The following PRR5L variants were observed in gnomAD, a reference collection of about 807,000 sequenced individuals.
PRR5L encodes proline-rich protein 5-like.
PRR5L carries 21 observed loss-of-function variants against 36.4 expected under a neutral mutation model. The ratio of observed to expected loss-of-function variants is 0.58; its 90% CI spans 0.41 to 0.83. The LOEUF (loss-of-function observed/expected upper bound fraction) is 0.83. Among genes scored for constraint, PRR5L ranks in the 40% least tolerant of loss-of-function variants. PRR5L has a pLI of 0.00. For synonymous variants in PRR5L, 188 were observed against 197.0 expected (o/e 0.95, Z 0.38); for missense variants, 381 against 473.3 (o/e 0.80, Z 1.81).
intron 1 of PRR5L, among the ~76,000 whole-genome samples, chr11:36,388,927 C>T (rs1029056360): frequency 1.2e-4 from 18 of 152,050 alleles, no homozygotes; most frequent in Admixed American, 2.6e-4. Context: ...TCTGGATCTC[C>T]TGACCTCGTG....
At chr11:36,333,677 T>C (rs1856741117) in intron 1 of PRR5L, among the ~76,000 whole-genome samples, 1 of 152,064 alleles carries the variant, frequency 6.6e-6, no homozygotes. Context: ...AAATGAGAAA[T>C]AGTCTGTGAC....
chr11:36,446,848 C>A (rs149487561), intron 7 of PRR5L, among the ~76,000 whole-genome samples: 2 of 152,158 alleles, frequency 1.3e-5, no homozygotes, highest in Non-Finnish European at 2.9e-5. Context: ...GGATTACAAC[C>A]AGGAATGAGG....
At chr11:36,331,673 C>A (rs1392124467) in intron 1 of PRR5L, among the ~76,000 whole-genome samples, 1 of 152,178 alleles carries the variant, frequency 6.6e-6, no homozygotes, top group Non-Finnish European at 1.5e-5. Context: ...GATATTAAAA[C>A]TCATTTTCAA....
intron 8 of PRR5L, among the ~76,000 whole-genome samples, chr11:36,461,360 C>T (rs1339059800): frequency 6.6e-6 from 1 of 152,178 alleles, no homozygotes. Context: ...TGGTGGCTCA[C>T]ACCTTTAATC....
rs111684992 is a variant in PRR5L at position 36,400,118 on chromosome 11, G to A, written c.-125-879G>A. On this transcript the variant is annotated intron_variant, in intron 1 of 8. Coordinates refer to ENST00000530639, the MANE Select transcript of PRR5L (RefSeq NM_001160167.2). Reference sequence around the variant, plus strand: ...AACCCAACCCTGCAGGGCGAGTTGGGTTTAAATAAGCAGAGGGAAAAAGGA... The same window carrying A: ...AACCCAACCCTGCAGGGCGAGTTGGATTTAAATAAGCAGAGGGAAAAAGGA... Among the ~76,000 whole-genome samples, 1,150 of 152,340 alleles carry A rather than the reference G, an allele frequency of 7.5e-3. 20 individuals carry two copies. The highest frequency in any genetic ancestry group is 0.026 in the African/African-American group (1,091 of 41,570).
At chr11:36,304,776 GTAA>G (rs1358380814) in intron 1 of PRR5L, among the ~76,000 whole-genome samples, 1 of 152,090 alleles carries the variant, frequency 6.6e-6, no homozygotes, top group East Asian at 1.9e-4. Context: ...GAAAGTCATG[GTAA>G]TAATCTCCCT....
Position 36,377,172 on chromosome 11 carries a change from TC to T in PRR5L, c.-125-23820del, listed in dbSNP as rs1353104363. Among the ~76,000 whole-genome samples the T allele has an allele frequency of 2.6e-5, 4 of 152,084 alleles. No homozygotes were observed. The highest frequency in any genetic ancestry group is 5.9e-5 in the Non-Finnish European group (4 of 67,986). On this transcript the variant is annotated intron_variant, in intron 1 of 8. Transcript: ENST00000530639. This position sits in a 1 kb window ranked among gnomAD's most constrained non-coding sequence, Gnocchi z 5.1. ...GCCTGCAGCAGCCTTTTCCCGGCGG[TC>T]CCCCTTTTTCTGGAGGGAGGCGTGG...
chr11:36,370,568 G>T lies in PRR5L; in HGVS notation c.-125-30429G>T, dbSNP rs1299212351. ...ATGACTGACTTAGGATTGTGGGAAGGAATAACTGAAATCCTTGAAAGTTAT... is the reference window on the plus strand; with the variant it reads ...ATGACTGACTTAGGATTGTGGGAAGTAATAACTGAAATCCTTGAAAGTTAT... On this transcript the variant is annotated intron_variant, in intron 1 of 8. Coordinates refer to ENST00000530639, the MANE Select transcript of PRR5L (RefSeq NM_001160167.2). 3.3e-5 allele frequency among the ~76,000 whole-genome samples: 5 copies of T among 152,122 alleles called. No individual in the cohort carries two copies. The South Asian group carries it at 1.0e-3, about 31-fold the overall frequency.
At position 36,351,440 on chromosome 11, in the gene PRR5L, CAT is replaced by C. The variant is rs1491343498; in HGVS notation, c.-125-49550_-125-49549del. On this transcript the variant is annotated intron_variant, in intron 1 of 8. Coordinates refer to ENST00000530639, the MANE Select transcript of PRR5L (RefSeq NM_001160167.2). ...ATATATATTTATATATTTATATATA[CAT>C]ATATATTTATATATTTATATATTTA... Among the ~76,000 whole-genome samples, 36 of 36,722 alleles carry C rather than the reference CAT, an allele frequency of 9.8e-4. 1 individual carries two copies. Among genetic ancestry groups the C allele is most frequent in the South Asian group, 2.3e-3 (2 of 858 alleles). 24.1% of individuals were successfully genotyped at this position (36,722 alleles called of 152,430 possible).
intron 3 of PRR5L, among the ~76,000 whole-genome samples, chr11:36,418,657 A>G (rs1011861678): frequency 3.9e-5 from 6 of 152,054 alleles, no homozygotes; most frequent in African/African-American, 7.2e-5. Flanking sequence ...TTAGCCGGGC[A>G]TGGTGGCGGG....
intron 1 of PRR5L, among the ~76,000 whole-genome samples, chr11:36,395,418 A>G (rs1857638213): frequency 6.6e-6 from 1 of 152,270 alleles, no homozygotes; most frequent in Non-Finnish European, 1.5e-5. Flanking sequence ...ATTAAAATTC[A>G]GTTCCTCAGT....
intron 1 of PRR5L, among the ~76,000 whole-genome samples, chr11:36,314,567 C>A (rs999036707): frequency 6.6e-5 from 10 of 152,204 alleles, no homozygotes; most frequent in Admixed American, 6.5e-5. Context: ...CCCTTGATGC[C>A]CTTTGCTCCA....
At chr11:36,348,109 T>A (rs184845018) in intron 1 of PRR5L, among the ~76,000 whole-genome samples, 1 of 152,280 alleles carries the variant, frequency 6.6e-6, no homozygotes, top group East Asian at 1.9e-4. Context: ...TTCTTATTAT[T>A]GTGGTCGTTA....
chr11:36,437,456 G>T lies in PRR5L; in HGVS notation c.424G>T (p.Ala142Ser). The T allele has an allele frequency of 6.2e-7, 1 of 1,606,852 alleles. No individual in the cohort carries two copies. Among genetic ancestry groups the T allele is most frequent in the Non-Finnish European group, 8.5e-7 (1 of 1,173,706 alleles). The change falls in exon 6 of 9, where the codon GCA becomes TCA. Residue 142 changes from alanine to serine, a missense_variant. Physicochemically the swap from Ala to Ser is moderately conservative, Grantham distance 99. Coordinates refer to ENST00000530639, the MANE Select transcript of PRR5L (RefSeq NM_001160167.2). ...CACTGAGACTCTCCCTACCCTGCAG[G>T]CAATATTTTATCCAGTTCAGGTTAG... ...FFTETLPTLQ[A>S]IFYPVQGQEL... is the part of the protein sequence containing the mutation.
chr11:36,329,707 T>G (rs75839095), intron 1 of PRR5L, among the ~76,000 whole-genome samples: 14,634 of 152,232 alleles, frequency 0.096, 1,289 homozygotes, highest in African/African-American at 0.24. Context: ...ATGAACCTCA[T>G]ATTGGACCTT....
intron 1 of PRR5L, chr11:36,375,925 C>A: frequency 3.1e-6 from 1 of 324,632 alleles, no homozygotes; most frequent in East Asian, 8.3e-5. Context: ...GTTCCAGGCT[C>A]CACTCCTCTC....
At chr11:36,343,776 A>G (rs1303012633) in intron 1 of PRR5L, among the ~76,000 whole-genome samples, 3 of 152,176 alleles carry the variant, frequency 2.0e-5, no homozygotes, top group East Asian at 1.9e-4. Flanking sequence ...TATTACCTCC[A>G]CTTACTGTTG....
intron 7 of PRR5L, among the ~76,000 whole-genome samples, chr11:36,447,425 T>C (rs910519982): frequency 6.6e-6 from 1 of 152,190 alleles, no homozygotes; most frequent in African/African-American, 2.4e-5. Flanking sequence ...GATCAAGCAG[T>C]ATAAACATGG....
chr11:36,349,410 G>T (rs745599506), intron 1 of PRR5L, among the ~76,000 whole-genome samples: 1 of 152,122 alleles, frequency 6.6e-6, no homozygotes, highest in Non-Finnish European at 1.5e-5. Flanking sequence ...TACCAAACAG[G>T]CTGATCATTC....
Sources: gnomAD v4.1 joint callset for allele counts (sites outside exome capture counted in the v4.1 genomes callset) on GRCh38, gnomAD v4.1.1 for gene constraint, Gnocchi (gnomAD v3.1) non-coding constraint, MANE v1.5 for transcripts, NCBI Gene and HGNC (gene_info 2026-07-23, HGNC 2026-07-21) for gene names.